The following CLCN7 variants were observed in gnomAD, a reference collection of about 807,000 sequenced individuals.
CLCN7 encodes the protein H(+)/Cl(-) exchange transporter 7.
CLCN7 carries 60 observed loss-of-function variants against 102.1 expected under a neutral mutation model. That is an observed-to-expected ratio of 0.59 (90% confidence interval 0.48 to 0.73). The LOEUF is 0.73. Among genes scored for constraint, CLCN7 ranks in the 30% least tolerant of loss-of-function variants. The probability of loss-of-function intolerance (pLI) is 0.00; values close to 1 mark genes in which losing one functional copy is unlikely to be tolerated. For missense variants in CLCN7, 962 were observed against 1,125.7 expected, an observed-to-expected ratio of 0.85 and a Z score of 2.08; for synonymous variants, 560 against 490.5, an observed-to-expected ratio of 1.14 and a Z score of -1.87.
chr16:1,474,116 A>G, intron 1 of CLCN7: 2 of 455,100 alleles, frequency 4.4e-6, no homozygotes, highest in Non-Finnish European at 8.8e-6. Flanking sequence ...CAATACACAG[A>G]CAGGGAAACA....
At chr16:1,456,265 G>A in intron 9 of CLCN7, 59 bp from the exon 10 acceptor site, 3 of 1,297,588 alleles carry the variant, frequency 2.3e-6, no homozygotes, top group Non-Finnish European at 3.3e-6. Flanking sequence ...CTCTCAGAAA[G>A]GGAGAGCAAC....
Position 1,455,292 on chromosome 16 carries a change from T to G in CLCN7, c.982-42A>C, listed in dbSNP as rs779934742. On this transcript the variant is annotated intron_variant, in intron 11 of 24. Coordinates refer to ENST00000382745, the MANE Select transcript of CLCN7 (RefSeq NM_001287.6). ...GAAACCAGCGCCCTCAGAGCCACGC[T>G]CCCAGCCCAGGGCTCACGGACCAGC... 9 of 1,275,908 alleles carry G rather than the reference T, an allele frequency of 7.1e-6. No homozygotes were observed. The East Asian group carries it at 1.6e-4, about 23-fold the overall frequency. The allele number at this position is 1,275,908 out of a possible 1,614,324, so 79.0% of individuals were successfully genotyped here. A position where few individuals can be genotyped will look rare whatever the true frequency, so the allele number is the denominator to read the frequency against.
intron 7 of CLCN7, among the ~76,000 whole-genome samples, chr16:1,458,556 C>A (rs1440301875): frequency 6.6e-6 from 1 of 152,188 alleles, no homozygotes; most frequent in Non-Finnish European, 1.5e-5. Context: ...GGGACCAGGC[C>A]CCGGAAGCAC....
intron 1 of CLCN7, among the ~76,000 whole-genome samples, chr16:1,472,243 T>A (rs1464231181): frequency 2.6e-5 from 4 of 152,220 alleles, no homozygotes; most frequent in African/African-American, 9.7e-5. Flanking sequence ...ATAGTTTTTT[T>A]ATTTTTATTT....
chr16:1,454,436 C>T lies in CLCN7; in HGVS notation c.1128G>A (p.Pro376=), dbSNP rs12935737. Residue 376 remains proline, a synonymous_variant, in exon 13 of 25, where the codon CCG becomes CCA. Coordinates refer to ENST00000382745, the MANE Select transcript of CLCN7 (RefSeq NM_001287.6). The part of the protein sequence containing the change: ...EKMAYTIHEI[P]VFIAMGVVGG... Reference sequence around the variant, plus strand: ...CCACCACGCCCATGGCGATGAAGACCGGGATCTCGTGGATCGTGTAGGCCA... The same window carrying T: ...CCACCACGCCCATGGCGATGAAGACTGGGATCTCGTGGATCGTGTAGGCCA... 0.091 allele frequency: 146,413 copies of T among 1,613,388 alleles called. 7,668 individuals are homozygous for T. Among genetic ancestry groups the T allele is most frequent in the Non-Finnish European group, 0.11 (125,756 of 1,179,736 alleles).
intron 21 of CLCN7, among the ~76,000 whole-genome samples, chr16:1,448,075 T>A (rs1232673702): frequency 6.6e-6 from 1 of 152,156 alleles, no homozygotes; most frequent in African/African-American, 2.4e-5. Flanking sequence ...GAGCTGTGTG[T>A]CCTGTCAGGG....
intron 16 of CLCN7, among the ~76,000 whole-genome samples, chr16:1,451,335 G>A (rs1030967320): frequency 1.3e-5 from 2 of 152,192 alleles, no homozygotes; most frequent in African/African-American, 4.8e-5. Flanking sequence ...AGCCTCCCAA[G>A]TACCTGGGAC....
At chr16:1,450,087 G>A in intron 17 of CLCN7, 1 of 219,552 alleles carries the variant, frequency 4.6e-6, no homozygotes, top group Non-Finnish European at 9.2e-6. Context: ...AGAGAAGGAA[G>A]GCCTGCGGGG....
At position 1,450,668 on chromosome 16, in the gene CLCN7, T is replaced by C; in HGVS notation, c.1448-2A>G. On this transcript the variant is annotated splice_acceptor_variant, in intron 16 of 24. Transcript: ENST00000382745. LOFTEE classifies it high-confidence loss of function. ...CGAGGGTCAGGGGGTTGTAGGAGCC[T>C]AGGAGAGAAGAGGGGCTGACGGGGC... is the stretch of plus-strand genomic sequence containing the variant. 1.2e-6 allele frequency: 2 copies of C among 1,605,950 alleles called. No homozygotes were observed. Among genetic ancestry groups the C allele is most frequent in the Non-Finnish European group, 1.7e-6 (2 of 1,175,780 alleles).
chr16:1,449,894 G>A (rs369874911), intron 17 of CLCN7: 9 of 181,926 alleles, frequency 4.9e-5, no homozygotes, highest in African/African-American at 2.1e-4. Context: ...CCAAACCCTT[G>A]TGCGGAGGGA....
chr16:1,465,876 C>T (rs1391539572), intron 1 of CLCN7, among the ~76,000 whole-genome samples: 2 of 152,214 alleles, frequency 1.3e-5, no homozygotes, highest in African/African-American at 4.8e-5. Context: ...GGCTTTGCGG[C>T]CGCCCCAGCT....
At position 1,461,490 on chromosome 16, in the gene CLCN7, G is replaced by C. The variant is rs777787921; in HGVS notation, c.286-20C>G. The C allele has an allele frequency of 6.3e-7, 1 of 1,592,658 alleles. No individual in the cohort carries two copies. Among genetic ancestry groups the C allele is most frequent in the South Asian group, 1.1e-5 (1 of 88,552 alleles). On this transcript the variant is annotated intron_variant, in intron 3 of 24. Coordinates refer to ENST00000382745, the MANE Select transcript of CLCN7 (RefSeq NM_001287.6). Reference sequence around the variant, plus strand: ...CAAGCTCTGCAGGCCGGGACAGCAAGGGCAGCACTCAGCACCGAACCCACG... The same window carrying C: ...CAAGCTCTGCAGGCCGGGACAGCAACGGCAGCACTCAGCACCGAACCCACG...
At position 1,459,350 on chromosome 16, in the gene CLCN7, G is replaced by GCT. The variant is rs1286430386; in HGVS notation, c.595-164_595-163insAG. ...CGTCGGGGCCCCAGGGAAGGGAAGA[G>GCT]CAGCACACACGTCAGGGCCCCAGGG... On this transcript the variant is annotated intron_variant, in intron 6 of 24. Coordinates refer to ENST00000382745, the MANE Select transcript of CLCN7 (RefSeq NM_001287.6). 1,674 of 459,950 alleles carry GCT rather than the reference G, an allele frequency of 3.6e-3. 32 individuals are homozygous for GCT. Among genetic ancestry groups the GCT allele is most frequent in the Non-Finnish European group, 4.4e-3 (1,132 of 255,568 alleles). 28.5% of individuals were successfully genotyped at this position (459,950 alleles called of 1,614,324 possible).
At chr16:1,461,741 G>T in intron 2 of CLCN7, 67 bp from the exon 3 acceptor site, 1 of 1,308,916 alleles carries the variant, frequency 7.6e-7, no homozygotes, top group Non-Finnish European at 1.1e-6. Flanking sequence ...GCCCCTCTCA[G>T]CTCACACACG....
intron 15 of CLCN7, 127 bp from the exon 16 acceptor site, chr16:1,451,843 G>A (rs2038756894): frequency 5.4e-6 from 4 of 747,222 alleles, no homozygotes; most frequent in East Asian, 2.7e-5. Flanking sequence ...GAAACCACAC[G>A]ATCCTGCCAT....
intron 12 of CLCN7, among the ~76,000 whole-genome samples, 169 bp from the exon 13 acceptor site, chr16:1,454,634 G>A (rs1047300857): frequency 2.6e-5 from 4 of 152,202 alleles, no homozygotes; most frequent in Non-Finnish European, 4.4e-5. Context: ...TGGGTGTTCT[G>A]AGCAGGCCTG....
chr16:1,474,646 G>C (rs1468961226), intron 1 of CLCN7, among the ~76,000 whole-genome samples, 188 bp downstream of exon 1: 1 of 151,862 alleles, frequency 6.6e-6, no homozygotes, highest in Non-Finnish European at 1.5e-5. Flanking sequence ...GGCCTCCGAA[G>C]ACTCCAGACC....
chr16:1,458,380 A>G (rs2038873411), intron 7 of CLCN7, among the ~76,000 whole-genome samples: 1 of 152,272 alleles, frequency 6.6e-6, no homozygotes, highest in Non-Finnish European at 1.5e-5. Context: ...CAAAAGTTAT[A>G]GAGCAACATC....
chr16:1,446,742 T>C, intron 24 of CLCN7, 25 bp from the exon 25 acceptor site: 1 of 1,552,484 alleles, frequency 6.4e-7, no homozygotes, highest in Non-Finnish European at 8.7e-7. Context: ...CAGGCCACAG[T>C]GACACACGGG....
Sources: allele counts gnomAD v4.1 joint callset (sites outside exome capture counted in the v4.1 genomes callset), GRCh38; gene constraint gnomAD v4.1.1; transcripts MANE v1.5; gene names NCBI Gene and HGNC (gene_info 2026-07-23, HGNC 2026-07-21).